NIN: variants seen among roughly 807,000 people sequenced by gnomAD.
The protein encoded by NIN is ninein.
NIN carries 137 observed loss-of-function variants against 257.6 expected under a neutral mutation model. That is an observed-to-expected ratio of 0.53 (90% CI 0.46 to 0.61). The LOEUF is 0.61. Among genes scored for constraint, NIN ranks in the 20% least tolerant of loss-of-function variants. The probability of loss-of-function intolerance (pLI) is 0.00; values close to 1 mark genes in which losing one functional copy is unlikely to be tolerated. For missense variants in NIN, 2,439 were observed against 2,501.2 expected (o/e 0.98, Z 0.53); for synonymous variants, 918 against 919.8 (o/e 1.00, Z 0.04).
chr14:50,768,242 T>TA (rs376507923), intron 12 of NIN, among the ~76,000 whole-genome samples: 2,313 of 149,266 alleles, frequency 0.015, 63 homozygotes, highest in African/African-American at 0.053. Flanking sequence ...GCAATATAAG[T>TA]AAAAAAAAAA....
chr14:50,828,352 T>C (rs1219699727), intron 2 of NIN, among the ~76,000 whole-genome samples: 1 of 152,240 alleles, frequency 6.6e-6, no homozygotes, highest in Non-Finnish European at 1.5e-5. Context: ...CTGACTTAAA[T>C]TGCAATAAAG....
rs2042393343 is a variant in NIN, at chr14:50,764,415, A to G, written c.1636-451T>C. 2.0e-5 allele frequency among the ~76,000 whole-genome samples: 3 copies of G among 152,204 alleles called. No homozygotes were observed. In the South Asian group the frequency reaches 6.2e-4, roughly 31 times the overall value. ...ACTATCATACTAGTGGGAATATAAA[A>G]CAGTGCAACCACTTTGCAAGAAGTT... On this transcript the variant is annotated intron_variant, in intron 14 of 30. Coordinates refer to ENST00000530997, the MANE Select transcript of NIN (RefSeq NM_020921.4).
At chr14:50,725,314 C>T (rs2040366965) in intron 30 of NIN, among the ~76,000 whole-genome samples, 1 of 152,116 alleles carries the variant, frequency 6.6e-6, no homozygotes, top group South Asian at 2.1e-4. Context: ...TTCTGCTTGT[C>T]TCTTCAGTGG....
chr14:50,774,875 G>A (rs2042861613), intron 7 of NIN, among the ~76,000 whole-genome samples: 1 of 151,950 alleles, frequency 6.6e-6, no homozygotes, highest in African/African-American at 2.4e-5. Context: ...AGAAAACAAT[G>A]CCGGTTAAAT....
At chr14:50,737,249 G>C (rs1461344183) in intron 27 of NIN, among the ~76,000 whole-genome samples, 1 of 152,132 alleles carries the variant, frequency 6.6e-6, no homozygotes, top group Admixed American at 6.5e-5. Flanking sequence ...AAAAGGCCCA[G>C]GTAGTGAAGA....
chr14:50,722,470 A>G lies in NIN; in HGVS notation c.*993T>C. ...AATTCTAGTATGGCTGTAAATATATAAGACAAATAAATGAGGTCACATGGT... is the reference window on the plus strand; with the variant it reads ...AATTCTAGTATGGCTGTAAATATATGAGACAAATAAATGAGGTCACATGGT... On this transcript the variant is annotated 3_prime_UTR_variant, in exon 31 of 31. Transcript: ENST00000530997. The G allele has an allele frequency of 4.7e-6, 1 of 210,972 alleles. No individual in the cohort carries two copies. The highest frequency in any genetic ancestry group is 9.6e-6 in the Non-Finnish European group (1 of 103,658). The allele number at this position is 210,972 out of a possible 1,614,324, so 13.1% of individuals were successfully genotyped here. A position where few individuals can be genotyped will look rare whatever the true frequency, so the allele number is the denominator to read the frequency against.
intron 4 of NIN, among the ~76,000 whole-genome samples, chr14:50,798,655 A>C (rs569461969): frequency 6.6e-6 from 1 of 152,354 alleles, no homozygotes; most frequent in Non-Finnish European, 1.5e-5. Context: ...CTTTTTACCT[A>C]ATTGAACCCT....
intron 27 of NIN, 33 bp from the exon 28 acceptor site, chr14:50,735,650 CAG>C: frequency 1.3e-6 from 2 of 1,585,824 alleles, no homozygotes; most frequent in Non-Finnish European, 1.7e-6. Flanking sequence ...TCCCTTGAAA[CAG>C]AAACAAAAAC....
In NIN at chr14:50,723,524, C is replaced by T; in HGVS notation, c.6341G>A (p.Ser2114Asn). The T allele has an allele frequency of 1.9e-6, 3 of 1,613,834 alleles. No homozygotes were observed. The highest frequency in any genetic ancestry group is 1.3e-5 in the African/African-American group (1 of 75,026). The change falls in exon 31 of 31, where the codon AGT (serine) becomes AAT (asparagine). Residue 2114 changes from serine (S) to asparagine (N), a missense_variant. By Grantham distance (46) the Ser-to-Asn change is conservative (BLOSUM62 1). Around this residue, in one of 3 missense-constraint regions of NIN, gnomAD observed 2,043 missense variants for 2,050.2 expected, o/e 1.00. Transcript: ENST00000530997. ...TGGTGTCAGATTCCTAACTATATTA[C>T]TGAGGCTGGCAATCTTCTCCTCCAG... Reference protein sequence around the residue: ...YLLEEKIASLSNIVRNLTPAP... With the variant: ...YLLEEKIASLNNIVRNLTPAP...
At chr14:50,733,145 T>G (rs1377195439) in intron 28 of NIN, among the ~76,000 whole-genome samples, 1 of 151,616 alleles carries the variant, frequency 6.6e-6, no homozygotes, top group African/African-American at 2.4e-5. Context: ...TAGGCTGGAG[T>G]GCAGTGGCAC....
chr14:50,750,198 A>G (rs2041729188), intron 21 of NIN, among the ~76,000 whole-genome samples: 2 of 152,112 alleles, frequency 1.3e-5, no homozygotes, highest in South Asian at 2.1e-4. Context: ...CCAGCCCTAG[A>G]ATCAATCATT....
chr14:50,778,747 G>A lies in NIN; in HGVS notation c.475+18C>T. On this transcript the variant is annotated intron_variant, in intron 6 of 30. Coordinates refer to ENST00000530997, the MANE Select transcript of NIN (RefSeq NM_020921.4). ...GGCCCTTCCCTTCCAGGCACGTCCT[G>A]ACACACTCGGCTCTTACCTTCCGCT... 6.2e-7 allele frequency: 1 copy of A among 1,613,546 alleles called. No individual in the cohort carries two copies. The highest frequency in any genetic ancestry group is 8.5e-7 in the Non-Finnish European group (1 of 1,179,714).
At chr14:50,737,536 T>A (rs1485513421) in intron 27 of NIN, among the ~76,000 whole-genome samples, 3 of 150,016 alleles carry the variant, frequency 2.0e-5, no homozygotes, top group Non-Finnish European at 4.4e-5. Flanking sequence ...TATTAAGATG[T>A]TTCTAATATT....
At chr14:50,815,721 C>T (rs1007046923) in intron 3 of NIN, among the ~76,000 whole-genome samples, 7 of 152,032 alleles carry the variant, frequency 4.6e-5, no homozygotes, top group African/African-American at 1.7e-4. Context: ...CAAAAAGGAA[C>T]AAAATCGGTG....
intron 12 of NIN, among the ~76,000 whole-genome samples, chr14:50,770,142 G>A (rs1315183230): frequency 6.6e-6 from 1 of 152,128 alleles, no homozygotes; most frequent in Non-Finnish European, 1.5e-5. Context: ...AAGACCTAGT[G>A]AACCCGCAGT....
chr14:50,765,925 C>A (rs528244797), intron 14 of NIN, among the ~76,000 whole-genome samples: 39 of 150,662 alleles, frequency 2.6e-4, no homozygotes, highest in Non-Finnish European at 5.3e-4. Flanking sequence ...TGTATACATG[C>A]GCCATGCTGG....
At chr14:50,744,883 G>A (rs562532667) in intron 22 of NIN, among the ~76,000 whole-genome samples, 33 of 152,188 alleles carry the variant, frequency 2.2e-4, no homozygotes, top group African/African-American at 7.2e-4. Flanking sequence ...GCAGTGAGCC[G>A]AGATGACTGC....
chr14:50,743,298 G>T, intron 24 of NIN, 118 bp downstream of exon 24: 1 of 675,878 alleles, frequency 1.5e-6, no homozygotes, highest in Non-Finnish European at 2.6e-6. Flanking sequence ...TGGTCAAATT[G>T]AATCATTTGG....
At chr14:50,794,802 C>A (rs897610601) in intron 4 of NIN, among the ~76,000 whole-genome samples, 1 of 147,516 alleles carries the variant, frequency 6.8e-6, no homozygotes, top group African/African-American at 2.5e-5. Flanking sequence ...AAACAACTAT[C>A]TTTTAAAAAT....
Sources: gnomAD v4.1 joint callset for allele counts (sites outside exome capture counted in the v4.1 genomes callset) on GRCh38, gnomAD v4.1.1 for gene constraint, gnomAD v4.1.1 regional missense constraint, MANE v1.5 for transcripts, NCBI Gene and HGNC (gene_info 2026-07-23, HGNC 2026-07-21) for gene names.